CTNND2: variants seen among roughly 807,000 people sequenced by gnomAD.
CTNND2 encodes the protein catenin delta-2.
Under a neutral mutation model 144.4 loss-of-function variants are expected in CTNND2, and 22 were observed. The ratio of observed to expected loss-of-function variants is 0.15; its 90% confidence interval spans 0.11 to 0.22. CTNND2 has a LOEUF of 0.22. Ranked by LOEUF, CTNND2 falls within the 10% of genes least tolerant of loss-of-function variation. The pLI, the probability that CTNND2 is intolerant of heterozygous loss-of-function variation, is 1.00. For missense variants in CTNND2, 1,353 were observed against 1,618.8 expected, an observed-to-expected ratio of 0.84 and a Z score of 2.82; for synonymous variants, 751 against 695.6, an observed-to-expected ratio of 1.08 and a Z score of -1.25.
At chr5:11,766,819 T>C (rs1214662576) in intron 1 of CTNND2, among the ~76,000 whole-genome samples, 1 of 152,160 alleles carries the variant, frequency 6.6e-6, no homozygotes, top group Non-Finnish European at 1.5e-5. Flanking sequence ...TCCTGACATA[T>C]GGTAACATAA....
chr5:11,062,167 C>A (rs191071825), intron 16 of CTNND2, among the ~76,000 whole-genome samples: 332 of 152,340 alleles, frequency 2.2e-3, no homozygotes, highest in African/African-American at 7.4e-3. Context: ...GAAGTTAGTA[C>A]ACAAGGATAA....
Position 11,903,413 on chromosome 5 carries a change from G to A in CTNND2, c.37+404C>T. On this transcript the variant is annotated intron_variant, in intron 1 of 21. Transcript: ENST00000304623. This position sits in a 1 kb window ranked among gnomAD's most constrained non-coding sequence, Gnocchi z 5.4. ...CATTGAACATAAGGGCAAAAGACTG[G>A]AGGGAAGTCCTCCCCACCCCCACCC... is the stretch of plus-strand genomic sequence containing the variant. 4.8e-6 allele frequency: 5 copies of A among 1,041,598 alleles called. No individual in the cohort carries two copies. The highest frequency in any genetic ancestry group is 5.8e-6 in the Non-Finnish European group (5 of 864,972). The allele number at this position is 1,041,598 out of a possible 1,614,324, so 64.5% of individuals were successfully genotyped here.
At chr5:11,148,625 C>T (rs1268396200) in intron 12 of CTNND2, among the ~76,000 whole-genome samples, 1 of 152,204 alleles carries the variant, frequency 6.6e-6, no homozygotes, top group Non-Finnish European at 1.5e-5. Context: ...CCAGCAGCGT[C>T]CCTGCCTCAT....
At chr5:11,327,716 T>C (rs1752673158) in intron 9 of CTNND2, among the ~76,000 whole-genome samples, 1 of 152,164 alleles carries the variant, frequency 6.6e-6, no homozygotes, top group Non-Finnish European at 1.5e-5. Context: ...TAAATGTGGT[T>C]GTTAAGAGAT....
At chr5:11,807,826 T>C (rs73743259) in intron 1 of CTNND2, among the ~76,000 whole-genome samples, 13 of 152,310 alleles carry the variant, frequency 8.5e-5, no homozygotes, top group African/African-American at 2.9e-4. Context: ...TCTGAACATA[T>C]ATTAAAACAG....
At chr5:11,511,908 A>T (rs1771681573) in intron 3 of CTNND2, among the ~76,000 whole-genome samples, 1 of 152,192 alleles carries the variant, frequency 6.6e-6, no homozygotes, top group Non-Finnish European at 1.5e-5. Flanking sequence ...GCCCTTGGAC[A>T]TTACCAAAGA....
intron 9 of CTNND2, among the ~76,000 whole-genome samples, chr5:11,312,702 C>CACCCTCACCACTCCCCATATACCCTT (rs1751117665): frequency 1.3e-5 from 2 of 152,048 alleles, no homozygotes; most frequent in Non-Finnish European, 2.9e-5. Context: ...CATATACCCT[C>CACCCTCACCACTCCCCATATACCCTT]ACCCTCACCT....
chr5:11,609,147 T>C (rs1780200482), intron 2 of CTNND2, among the ~76,000 whole-genome samples: 2 of 152,194 alleles, frequency 1.3e-5, no homozygotes, highest in Admixed American at 6.5e-5. Flanking sequence ...TTTCTCCGTG[T>C]ATTTTGTTTC....
rs1787420723 is a variant in CTNND2 at position 11,732,139 on chromosome 5, T to A, written c.171A>T (p.Glu57Asp). ...TTSAILASVK[E>D]QELQFERLTR... The stretch of plus-strand genomic sequence containing the variant: ...ACAAAAATGGGAATGTTTCTACCTG[T>A]TCTTTGACTGAGGCGAGGATGGCAG... The change falls in exon 2 of 22, where the codon GAA (glutamate) becomes GAT (aspartate). Residue 57 changes from glutamate (E) to aspartate (D), a missense_variant. Physicochemically the swap from Glu to Asp is conservative, Grantham distance 45. Transcript: ENST00000304623. 6.2e-7 allele frequency: 1 copy of A among 1,613,184 alleles called. No homozygotes were observed. The highest frequency in any genetic ancestry group is 1.3e-5 in the African/African-American group (1 of 74,924).
Position 11,457,884 on chromosome 5 carries a change from C to T in CTNND2, c.288-45815G>A, listed in dbSNP as rs369158883. ...ATTGCAACCCCTTCTATTCCTAACT[C>T]CTTTAGAAACTCAACAACCGTGATG... On this transcript the variant is annotated intron_variant, in intron 3 of 21. Coordinates refer to ENST00000304623, the MANE Select transcript of CTNND2 (RefSeq NM_001332.4). Among the ~76,000 whole-genome samples, 255 of 152,278 alleles carry T rather than the reference C, an allele frequency of 1.7e-3. 2 individuals are homozygous for T. The highest frequency in any genetic ancestry group is 5.9e-3 in the African/African-American group (246 of 41,552).
intron 3 of CTNND2, among the ~76,000 whole-genome samples, chr5:11,553,542 A>G (rs1775957711): frequency 6.6e-6 from 1 of 152,232 alleles, no homozygotes; most frequent in African/African-American, 2.4e-5. Flanking sequence ...GAAGAGCATT[A>G]TCCCCATTTT....
intron 11 of CTNND2, among the ~76,000 whole-genome samples, chr5:11,162,884 TACACACAC>T (rs34257746): frequency 3.6e-4 from 53 of 147,890 alleles, no homozygotes; most frequent in East Asian, 2.0e-3. Context: ...TCTTTCCTGC[TACACACAC>T]ACACACACAC....
chr5:11,163,354 T>C (rs1758984139), intron 11 of CTNND2, among the ~76,000 whole-genome samples: 2 of 152,188 alleles, frequency 1.3e-5, no homozygotes. Flanking sequence ...ATTTTGGAAG[T>C]GGATTTTCCA....
intron 2 of CTNND2, among the ~76,000 whole-genome samples, chr5:11,700,901 T>A (rs1785403922): frequency 6.6e-6 from 1 of 152,204 alleles, no homozygotes; most frequent in Non-Finnish European, 1.5e-5. Context: ...TCTGTCATGT[T>A]GAAAGAATAC....
At chr5:11,737,646 T>G (rs991684336) in intron 1 of CTNND2, among the ~76,000 whole-genome samples, 2 of 152,168 alleles carry the variant, frequency 1.3e-5, no homozygotes, top group African/African-American at 4.8e-5. Context: ...CAGAACTGTG[T>G]TCCCCAAATT....
chr5:11,137,279 T>C (rs1206156850), intron 12 of CTNND2, among the ~76,000 whole-genome samples: 2 of 152,236 alleles, frequency 1.3e-5, no homozygotes. Flanking sequence ...ATTGGGAGCA[T>C]GTTGATCTAA....
chr5:11,775,180 A>T (rs988910361), intron 1 of CTNND2, among the ~76,000 whole-genome samples: 4 of 152,230 alleles, frequency 2.6e-5, no homozygotes, highest in Non-Finnish European at 4.4e-5. Flanking sequence ...TTACATAAAG[A>T]TGATAGAATT....
chr5:11,397,933 T>G (rs1193850145), intron 5 of CTNND2, among the ~76,000 whole-genome samples: 1 of 152,238 alleles, frequency 6.6e-6, no homozygotes, highest in Non-Finnish European at 1.5e-5. Flanking sequence ...TTTCTTATAT[T>G]CTTTTTAGAT....
chr5:11,742,201 G>GA (rs995599669), intron 1 of CTNND2, among the ~76,000 whole-genome samples: 5 of 151,956 alleles, frequency 3.3e-5, no homozygotes, highest in African/African-American at 9.7e-5. Flanking sequence ...ACTTATGGAG[G>GA]AAAAAAATAT....
Sources: gnomAD v4.1 joint callset for allele counts (sites outside exome capture counted in the v4.1 genomes callset) on GRCh38, gnomAD v4.1.1 for gene constraint, Gnocchi (gnomAD v3.1) non-coding constraint, MANE v1.5 for transcripts, NCBI Gene and HGNC (gene_info 2026-07-23, HGNC 2026-07-21) for gene names.